RNFT2: variants seen among roughly 807,000 people sequenced by gnomAD.
RNFT2 encodes E3 ubiquitin-protein ligase RNFT2.
A neutral mutation model predicts 53.0 loss-of-function variants in RNFT2; 36 were observed. The observed-to-expected ratio is 0.68, with a 90% CI of 0.52 to 0.90. RNFT2 has a LOEUF of 0.90. Among genes scored for constraint, RNFT2 ranks in the 40% least tolerant of loss-of-function variants. The pLI is 0.00. For missense variants in RNFT2, 514 were observed against 585.6 expected (o/e 0.88, Z 1.26); for synonymous variants, 260 against 253.2 (o/e 1.03, Z -0.26).
At chr12:116,762,837 C>T (rs1169877328) in intron 5 of RNFT2, among the ~76,000 whole-genome samples, 2 of 152,142 alleles carry the variant, frequency 1.3e-5, no homozygotes, top group Admixed American at 1.3e-4. Context: ...GTCTTGAACA[C>T]TTGACCTCAG....
chr12:116,750,810 A>AT (rs1491488572), intron 4 of RNFT2, among the ~76,000 whole-genome samples: 1,035 of 12,252 alleles, frequency 0.084, 39 homozygotes, highest in Non-Finnish European at 0.13. Flanking sequence ...TATATATATA[A>AT]TATATATATT....
At chr12:116,811,986 G>T (rs559341518) in intron 7 of RNFT2, among the ~76,000 whole-genome samples, 1 of 152,126 alleles carries the variant, frequency 6.6e-6, no homozygotes, top group East Asian at 1.9e-4. Context: ...TGAGTTCACC[G>T]GGTCAAACTC....
chr12:116,738,611 G>A (rs1409498844), intron 1 of RNFT2: 1 of 152,132 alleles, frequency 6.6e-6, no homozygotes, highest in Non-Finnish European at 1.5e-5. Context: ...ACCATCGCAA[G>A]CATCGAAAAG....
At chr12:116,762,755 G>A (rs755725113) in intron 5 of RNFT2, among the ~76,000 whole-genome samples, 5 of 152,014 alleles carry the variant, frequency 3.3e-5, no homozygotes, top group Non-Finnish European at 7.4e-5. Context: ...GAGATTACAG[G>A]TGCATGCCAC....
chr12:116,845,243 CA>C (rs66920809), intron 10 of RNFT2, among the ~76,000 whole-genome samples: 6,301 of 82,332 alleles, frequency 0.077, 134 homozygotes, highest in Middle Eastern at 0.094. Flanking sequence ...GACCCGGTTT[CA>C]AAAAAAAAAA....
At chr12:116,803,155 G>A (rs986182577) in intron 7 of RNFT2, among the ~76,000 whole-genome samples, 2 of 152,038 alleles carry the variant, frequency 1.3e-5, no homozygotes, top group Non-Finnish European at 2.9e-5. Flanking sequence ...GTCAGAGAAG[G>A]AAGTTGGTCC....
intron 7 of RNFT2, among the ~76,000 whole-genome samples, chr12:116,807,006 C>T (rs949619744): frequency 3.3e-5 from 5 of 152,124 alleles, no homozygotes; most frequent in Admixed American, 1.3e-4. Flanking sequence ...AAATGGCTCC[C>T]GTCACTTTCA....
At chr12:116,741,005 G>A (rs758308765) in intron 2 of RNFT2, 31 bp from the exon 3 acceptor site, 3 of 1,596,602 alleles carry the variant, frequency 1.9e-6, no homozygotes, top group South Asian at 2.3e-5. Context: ...AGTGTTGGGA[G>A]ACTCTGGCTC....
At chr12:116,832,125 T>A (rs1876684194) in intron 7 of RNFT2, among the ~76,000 whole-genome samples, 1 of 67,754 alleles carries the variant, frequency 1.5e-5, no homozygotes, top group Non-Finnish European at 2.9e-5. Flanking sequence ...AGCAAGACCT[T>A]GTCTCAAAAA....
chr12:116,818,361 G>A (rs1001627199), intron 7 of RNFT2, among the ~76,000 whole-genome samples: 7 of 151,822 alleles, frequency 4.6e-5, no homozygotes, highest in Non-Finnish European at 1.0e-4. Context: ...TGCAAACCTG[G>A]GCTGGTAATA....
Position 116,750,008 on chromosome 12 carries a change from G to A in RNFT2, c.251G>A (p.Gly84Asp). Residue 84 changes from glycine (G) to aspartate (D), a missense_variant, in exon 4 of 11, where the codon GGC (glycine) becomes GAC (aspartate). By Grantham distance (94) the Gly-to-Asp change is moderately conservative. This residue lies in a region of RNFT2 where 237 missense variants were observed against 235.1 expected (regional missense o/e 1.01). Transcript: ENST00000257575. ...CTGGTGCTGGGCTCCTCGGCTGGCG[G>A]CGGGGACGTGTTCATCCAGATGCCC... ...SSLVLGSSAG[G>D]GDVFIQMPAS... 6.4e-7 allele frequency: 1 copy of A among 1,555,080 alleles called. No homozygotes were observed. Among genetic ancestry groups the A allele is most frequent in the Non-Finnish European group, 8.7e-7 (1 of 1,149,620 alleles).
At chr12:116,790,189 A>C (rs2137133164) in intron 7 of RNFT2, among the ~76,000 whole-genome samples, 1 of 152,342 alleles carries the variant, frequency 6.6e-6, no homozygotes, top group South Asian at 2.1e-4. Context: ...CTTTGAAAGA[A>C]ATCTGGCAGC....
chr12:116,763,765 C>T (rs1248347786), intron 5 of RNFT2, among the ~76,000 whole-genome samples: 3 of 140,762 alleles, frequency 2.1e-5, no homozygotes, highest in South Asian at 2.2e-4. Flanking sequence ...GGTGACAGAG[C>T]GAGACTCCAT....
chr12:116,829,148 G>T (rs1270847934), intron 7 of RNFT2, among the ~76,000 whole-genome samples: 1 of 152,136 alleles, frequency 6.6e-6, no homozygotes, highest in Non-Finnish European at 1.5e-5. Context: ...GCAGCTGAGG[G>T]TGGGTGGTTC....
At chr12:116,786,000 T>A (rs1873917920) in intron 7 of RNFT2, among the ~76,000 whole-genome samples, 1 of 151,984 alleles carries the variant, frequency 6.6e-6, no homozygotes, top group South Asian at 2.1e-4. Flanking sequence ...TGCAGTGAGC[T>A]GAGACCGCGC....
intron 10 of RNFT2, among the ~76,000 whole-genome samples, chr12:116,842,913 G>A (rs902444146): frequency 6.6e-6 from 1 of 152,118 alleles, no homozygotes; most frequent in African/African-American, 2.4e-5. Context: ...ATAACTGCCT[G>A]TTCTCCTCCT....
chr12:116,751,749 T>G (rs1460308991), intron 4 of RNFT2, among the ~76,000 whole-genome samples: 1 of 151,788 alleles, frequency 6.6e-6, no homozygotes, highest in Non-Finnish European at 1.5e-5. Context: ...TTTTTTTGTT[T>G]GTTTGTTTTT....
At chr12:116,743,738 C>T (rs948416740) in intron 3 of RNFT2, among the ~76,000 whole-genome samples, 2 of 152,160 alleles carry the variant, frequency 1.3e-5, no homozygotes, top group Non-Finnish European at 2.9e-5. Context: ...GGGTTGGCTA[C>T]AGAATCACAA....
intron 10 of RNFT2, among the ~76,000 whole-genome samples, chr12:116,841,830 TATAA>T (rs1308020906): frequency 3.4e-5 from 1 of 29,596 alleles, no homozygotes; most frequent in South Asian, 6.7e-4. Flanking sequence ...AATATATATA[TATAA>T]ATATATATAT....
Sources: allele counts gnomAD v4.1 joint callset (sites outside exome capture counted in the v4.1 genomes callset), GRCh38; gene constraint gnomAD v4.1.1; regional missense constraint gnomAD v4.1.1; transcripts MANE v1.5; gene names NCBI Gene and HGNC (gene_info 2026-07-23, HGNC 2026-07-21).